The following RP1 variants were observed in gnomAD, a reference collection of about 807,000 sequenced individuals.
RP1 encodes RP1 axonemal microtubule associated, also known as oxygen-regulated protein 1.
Under a neutral mutation model 14.8 loss-of-function variants are expected in RP1, and 16 were observed. That is an observed-to-expected ratio of 1.08 (90% CI 0.73 to 1.65). The LOEUF is 1.65. Among genes scored for constraint, RP1 ranks in the 40% most tolerant of loss-of-function variants. The pLI is 0.00. For synonymous variants in RP1, 876 were observed against 883.6 expected, an observed-to-expected ratio of 0.99 and a Z score of 0.15; for missense variants, 2,631 against 2,535.0, an observed-to-expected ratio of 1.04 and a Z score of -0.81.
At chr8:54,733,267 C>T (rs1303697750) in intron 17 of RP1, among the ~76,000 whole-genome samples, 1 of 151,932 alleles carries the variant, frequency 6.6e-6, no homozygotes, top group Non-Finnish European at 1.5e-5. Context: ...TTTGACTCAC[C>T]TTATGAGTTT....
At chr8:54,638,603 A>T (rs1280081849) in intron 3 of RP1, among the ~76,000 whole-genome samples, 4 of 152,142 alleles carry the variant, frequency 2.6e-5, no homozygotes, top group African/African-American at 9.7e-5. Flanking sequence ...CTGCTCCCAT[A>T]CATGTGACCC....
intron 25 of RP1, among the ~76,000 whole-genome samples, chr8:54,841,496 G>A (rs1021647836): frequency 6.6e-6 from 1 of 152,138 alleles, no homozygotes; most frequent in African/African-American, 2.4e-5. Context: ...TATTTTCAAA[G>A]GATTGCTGGA....
At chr8:54,786,650 A>T (rs566471543) in intron 24 of RP1, among the ~76,000 whole-genome samples, 15 of 152,236 alleles carry the variant, frequency 9.9e-5, no homozygotes, top group Non-Finnish European at 1.8e-4. Flanking sequence ...AGTTCTAGAT[A>T]ATTCCATTTC....
intron 15 of RP1, among the ~76,000 whole-genome samples, chr8:54,718,342 A>G (rs1278867309): frequency 1.3e-5 from 2 of 152,324 alleles, no homozygotes; most frequent in Non-Finnish European, 2.9e-5. Flanking sequence ...AAATCAAGAC[A>G]GTGTGTTATT....
At chr8:54,801,608 GAGA>G (rs544602567) in intron 24 of RP1, among the ~76,000 whole-genome samples, 1 of 152,216 alleles carries the variant, frequency 6.6e-6, no homozygotes, top group South Asian at 2.1e-4. Flanking sequence ...CAGCCAGAAA[GAGA>G]AGGACTCTTT....
downstream of RP1, among the ~76,000 whole-genome samples, chr8:54,773,910 G>A (rs1809971658): frequency 6.6e-6 from 1 of 152,118 alleles, no homozygotes; most frequent in African/African-American, 2.4e-5. Context: ...CAATTTGGTA[G>A]ATTATGTGTG....
At chr8:54,843,919 G>C (rs537745805) in intron 25 of RP1, among the ~76,000 whole-genome samples, 1 of 152,288 alleles carries the variant, frequency 6.6e-6, no homozygotes, top group Admixed American at 6.5e-5. Flanking sequence ...AGGGACTAGG[G>C]AACTCCCCAA....
chr8:54,867,553 G>C (rs543369388), intron 28 of RP1, among the ~76,000 whole-genome samples: 6 of 152,178 alleles, frequency 3.9e-5, no homozygotes, highest in African/African-American at 1.4e-4. Context: ...TATTTTGCAG[G>C]GTTGTTTGAG....
intron 3 of RP1, among the ~76,000 whole-genome samples, chr8:54,647,139 AG>A (rs1178016316): frequency 6.6e-6 from 1 of 152,196 alleles, no homozygotes; most frequent in Non-Finnish European, 1.5e-5. Context: ...GGCCAGGTGC[AG>A]TGGCTCATGC....
intron 12 of RP1, chr8:54,696,866 C>A (rs1205841428): frequency 1.3e-6 from 1 of 764,818 alleles, no homozygotes; most frequent in Non-Finnish European, 2.4e-6. Context: ...GAAATGTGGA[C>A]AAGCCAAGGT....
At chr8:54,592,898 G>C (rs187806768) in intron 1 of RP1, among the ~76,000 whole-genome samples, 9 of 152,272 alleles carry the variant, frequency 5.9e-5, no homozygotes, top group Non-Finnish European at 8.8e-5. Context: ...AAAGTTTCTA[G>C]GAAGTGCTCC....
chr8:54,841,181 G>A (rs889039190), intron 25 of RP1, among the ~76,000 whole-genome samples: 3 of 152,106 alleles, frequency 2.0e-5, no homozygotes, highest in African/African-American at 2.4e-5. Context: ...TCAGACCAAT[G>A]AACTGATACT....
At position 54,580,549 on chromosome 8, in the gene RP1, C is replaced by T. The variant is rs894012372; in HGVS notation, c.-13+21229C>T. 2.0e-5 allele frequency among the ~76,000 whole-genome samples: 3 copies of T among 151,780 alleles called. No homozygotes were observed. In the East Asian group the frequency reaches 5.8e-4, roughly 29 times the overall value. Reference sequence around the variant, plus strand: ...CTCAATCTCTTGACCTCGTGATCCACCCCTCTCAGCCTCCCAAAGTGCTGG... The same window carrying T: ...CTCAATCTCTTGACCTCGTGATCCATCCCTCTCAGCCTCCCAAAGTGCTGG... On this transcript the variant is annotated intron_variant, in intron 1 of 22. Transcript: ENST00000636932.
chr8:54,696,916 T>G (rs947160240), intron 12 of RP1: 1 of 835,534 alleles, frequency 1.2e-6, no homozygotes, highest in Admixed American at 1.7e-5. Flanking sequence ...ACACAGTGAT[T>G]GAGGAGCACC....
At chr8:54,635,900 A>G (rs756519382) in intron 3 of RP1, among the ~76,000 whole-genome samples, 2 of 152,116 alleles carry the variant, frequency 1.3e-5, no homozygotes, top group Non-Finnish European at 2.9e-5. Flanking sequence ...TAATAAAGGC[A>G]TACACAGTCC....
At chr8:54,677,336 A>G (rs1172371979) in intron 8 of RP1, among the ~76,000 whole-genome samples, 1 of 152,058 alleles carries the variant, frequency 6.6e-6, no homozygotes, top group Non-Finnish European at 1.5e-5. Flanking sequence ...CCACTGATCT[A>G]GGGAACTGTG....
At chr8:54,859,210 G>A (rs1006759380) in intron 27 of RP1, among the ~76,000 whole-genome samples, 3 of 151,950 alleles carry the variant, frequency 2.0e-5, no homozygotes, top group Non-Finnish European at 4.4e-5. Flanking sequence ...TGTCACTGTG[G>A]AGCAGCACTG....
intron 24 of RP1, among the ~76,000 whole-genome samples, chr8:54,819,833 G>T (rs1484705459): frequency 6.6e-6 from 1 of 152,146 alleles, no homozygotes; most frequent in Non-Finnish European, 1.5e-5. Context: ...AACAGAAAAA[G>T]CCTCTCTCTC....
intron 12 of RP1, among the ~76,000 whole-genome samples, chr8:54,694,892 G>A (rs1807817454): frequency 6.6e-6 from 1 of 151,968 alleles, no homozygotes; most frequent in Non-Finnish European, 1.5e-5. Flanking sequence ...TGCTTTTCTA[G>A]TTCTTTTAAT....
Sources: allele counts gnomAD v4.1 joint callset (sites outside exome capture counted in the v4.1 genomes callset), GRCh38; gene constraint gnomAD v4.1.1; transcripts MANE v1.5; gene names NCBI Gene and HGNC (gene_info 2026-07-23, HGNC 2026-07-21).